Variants in TMEM182 observed in about 807,000 individuals in gnomAD.
TMEM182 encodes transmembrane protein 182.
TMEM182 carries 20 observed loss-of-function variants against 26.8 expected under a neutral mutation model. The observed-to-expected ratio is 0.75, with a 90% CI of 0.53 to 1.09. The LOEUF (loss-of-function observed/expected upper bound fraction) is 1.09, where lower values mean the gene tolerates loss of function less well. TMEM182 is among the 50% of genes least tolerant of loss of function. The pLI, the probability that TMEM182 is intolerant of heterozygous loss-of-function variation, is 0.00. For missense variants in TMEM182, 277 were observed against 275.5 expected, an observed-to-expected ratio of 1.01 and a Z score of -0.04; for synonymous variants, 109 against 102.2, an observed-to-expected ratio of 1.07 and a Z score of -0.40.
At chr2:102,751,168 A>C (rs1409802171) in intron 1 of TMEM182, among the ~76,000 whole-genome samples, 1 of 152,048 alleles carries the variant, frequency 6.6e-6, no homozygotes, top group Admixed American at 6.5e-5. Flanking sequence ...AGAAAGGAGA[A>C]TAGCTCTCTC....
chr2:102,794,426 G>C (rs1390856211), intron 3 of TMEM182, among the ~76,000 whole-genome samples: 1 of 152,054 alleles, frequency 6.6e-6, no homozygotes, highest in South Asian at 2.1e-4. Context: ...GAAGTTTAAC[G>C]TGCACTCCGG....
intron 4 of TMEM182, among the ~76,000 whole-genome samples, chr2:102,804,114 C>CT (rs1558782373): frequency 6.6e-6 from 1 of 151,154 alleles, no homozygotes; most frequent in Admixed American, 6.6e-5. Context: ...TTCTTTTTTT[C>CT]TTTTTTTTCC....
intron 4 of TMEM182, among the ~76,000 whole-genome samples, chr2:102,799,606 C>T (rs1401627813): frequency 6.6e-6 from 1 of 152,194 alleles, no homozygotes; most frequent in Admixed American, 6.5e-5. Context: ...ATCTAATGGT[C>T]ATAGACTAAG....
At chr2:102,779,052 T>C (rs932071849) in intron 3 of TMEM182, among the ~76,000 whole-genome samples, 48 of 152,182 alleles carry the variant, frequency 3.2e-4, no homozygotes, top group Admixed American at 6.5e-5. Context: ...TGAGGATGTC[T>C]TGATTTTCCT....
chr2:102,749,686 G>C (rs755715757), intron 1 of TMEM182, among the ~76,000 whole-genome samples: 3 of 151,944 alleles, frequency 2.0e-5, no homozygotes, highest in Non-Finnish European at 2.9e-5. Flanking sequence ...GTACAAAAGA[G>C]CATTTATAAT....
At chr2:102,824,230 C>T (rs1208831180) in intron 3 of TMEM182, among the ~76,000 whole-genome samples, 5 of 152,126 alleles carry the variant, frequency 3.3e-5, no homozygotes, top group East Asian at 1.9e-4. Flanking sequence ...ATAGATACTG[C>T]GGTTTTTGAC....
At chr2:102,786,278 G>C (rs1310585618) in intron 3 of TMEM182, among the ~76,000 whole-genome samples, 4 of 138,724 alleles carry the variant, frequency 2.9e-5, no homozygotes, top group Non-Finnish European at 6.1e-5. Flanking sequence ...GCAGTGGTGT[G>C]ATCTCAGCTC....
intron 4 of TMEM182, among the ~76,000 whole-genome samples, chr2:102,802,131 T>C (rs1028037919): frequency 6.6e-6 from 1 of 152,208 alleles, no homozygotes; most frequent in Non-Finnish European, 1.5e-5. Context: ...AATTGGACGC[T>C]GTCTGTATTT....
At chr2:102,789,952 G>T (rs1333268673) in intron 3 of TMEM182, among the ~76,000 whole-genome samples, 1 of 152,086 alleles carries the variant, frequency 6.6e-6, no homozygotes, top group Non-Finnish European at 1.5e-5. Flanking sequence ...ATGAATTGTA[G>T]ACAAACGCTG....
intron 3 of TMEM182, among the ~76,000 whole-genome samples, chr2:102,794,723 C>CA: frequency 6.6e-6 from 1 of 151,460 alleles, no homozygotes; most frequent in East Asian, 1.9e-4. Flanking sequence ...GCTTTCAAGA[C>CA]TTTTTTTTTG....
intron 1 of TMEM182, 75 bp from the exon 2 acceptor site, chr2:102,762,512 A>C: frequency 6.4e-7 from 1 of 1,552,366 alleles, no homozygotes; most frequent in South Asian, 1.2e-5. Context: ...CATGTCCTTA[A>C]AAATTTACTG....
chr2:102,825,628 C>T (rs1262354103), intron 3 of TMEM182, among the ~76,000 whole-genome samples: 3 of 152,196 alleles, frequency 2.0e-5, no homozygotes, highest in Admixed American at 1.3e-4. Flanking sequence ...ATCCACCCAA[C>T]ATTATTGTGA....
At chr2:102,824,802 G>A (rs1682999341) in intron 3 of TMEM182, among the ~76,000 whole-genome samples, 1 of 152,130 alleles carries the variant, frequency 6.6e-6, no homozygotes, top group Non-Finnish European at 1.5e-5. Context: ...ACTCCAGCCT[G>A]GTGACAGAGC....
rs1406982175 is a variant in TMEM182 at position 102,816,749 on chromosome 2, A to G, written c.*1781A>G. Reference sequence around the variant, plus strand: ...GATATTAAGTTATGGCATGCCATTAAGTTTTCCAGACGATGTTGGATGTAT... The same window carrying G: ...GATATTAAGTTATGGCATGCCATTAGGTTTTCCAGACGATGTTGGATGTAT... On this transcript the variant is annotated 3_prime_UTR_variant, in exon 5 of 5. Coordinates refer to ENST00000412401, the MANE Select transcript of TMEM182 (RefSeq NM_144632.5). 1.1e-5 allele frequency: 11 copies of G among 985,670 alleles called. No homozygotes were observed. Among genetic ancestry groups the G allele is most frequent in the Non-Finnish European group, 1.3e-5 (11 of 829,928 alleles). 61.1% of individuals were successfully genotyped at this position (985,670 alleles called of 1,614,324 possible).
At chr2:102,803,902 G>A (rs960153236) in intron 4 of TMEM182, among the ~76,000 whole-genome samples, 13 of 151,866 alleles carry the variant, frequency 8.6e-5, no homozygotes, top group South Asian at 2.1e-4. Context: ...CAGCCCTGCC[G>A]TCCACACCTG....
chr2:102,764,409 T>G lies in TMEM182; in HGVS notation c.313T>G (p.Ser105Ala), dbSNP rs546265982. 6.2e-7 allele frequency: 1 copy of G among 1,613,876 alleles called. No individual in the cohort carries two copies. Among genetic ancestry groups the G allele is most frequent in the South Asian group, 1.1e-5 (1 of 91,076 alleles). Residue 105 changes from serine to alanine, a missense_variant, in exon 3 of 5, where the codon TCC becomes GCC. Physicochemically the swap from Ser to Ala is moderately conservative, Grantham distance 99 (BLOSUM62 1). Transcript: ENST00000412401. ...PFMRGEHNSTSYDSAVIYRGF... is the reference protein window; with the variant it reads ...PFMRGEHNSTAYDSAVIYRGF... Reference sequence around the variant, plus strand: ...CATGAGAGGCGAGCACAACTCGACCTCCTATGACTCTGCAGTTAGTAAGTA... The same window carrying G: ...CATGAGAGGCGAGCACAACTCGACCGCCTATGACTCTGCAGTTAGTAAGTA...
downstream of TMEM182, among the ~76,000 whole-genome samples, chr2:102,822,268 T>A (rs1488634633): frequency 6.6e-6 from 1 of 152,028 alleles, no homozygotes; most frequent in African/African-American, 2.4e-5. Context: ...GAGAGGTTGA[T>A]CCTCTGTGCA....
intron 3 of TMEM182, among the ~76,000 whole-genome samples, chr2:102,841,591 C>T (rs56329656): frequency 0.07 from 10,618 of 152,294 alleles, 539 homozygotes; most frequent in Non-Finnish European, 0.092. Context: ...GAGTCCAATG[C>T]TGTGAGCATG....
chr2:102,762,869 T>G (rs1680274954), intron 2 of TMEM182, among the ~76,000 whole-genome samples, 183 bp downstream of exon 2: 1 of 152,198 alleles, frequency 6.6e-6, no homozygotes, highest in African/African-American at 2.4e-5. Flanking sequence ...TAGGAATAAT[T>G]ATTTTATCTT....
Sources: allele counts gnomAD v4.1 joint callset (sites outside exome capture counted in the v4.1 genomes callset), GRCh38; gene constraint gnomAD v4.1.1; transcripts MANE v1.5; gene names NCBI Gene and HGNC (gene_info 2026-07-23, HGNC 2026-07-21).